Variants in NALCN observed in about 807,000 individuals in gnomAD.
NALCN encodes the protein sodium leak channel NALCN.
NALCN carries 111 observed loss-of-function variants against 225.3 expected under a neutral mutation model. That is an observed-to-expected ratio of 0.49 (90% CI 0.42 to 0.58). The LOEUF is 0.58. Among genes scored for constraint, NALCN ranks in the 20% least tolerant of loss-of-function variants. The probability of loss-of-function intolerance (pLI) is 0.00; values close to 1 mark genes in which losing one functional copy is unlikely to be tolerated. For synonymous variants in NALCN, 764 were observed against 769.0 expected (o/e 0.99, Z 0.11); for missense variants, 1,378 against 2,202.4 (o/e 0.63, Z 7.49).
chr13:101,355,666 C>G (rs947409761), intron 6 of NALCN, among the ~76,000 whole-genome samples: 1 of 152,140 alleles, frequency 6.6e-6, no homozygotes, highest in Non-Finnish European at 1.5e-5. Flanking sequence ...CAAGGATATT[C>G]AGGACTTGAA....
intron 1 of NALCN, among the ~76,000 whole-genome samples, chr13:101,406,410 G>C (rs542476633): frequency 2.6e-5 from 4 of 152,200 alleles, no homozygotes; most frequent in Non-Finnish European, 5.9e-5. Flanking sequence ...CTTAGGCACA[G>C]AGACAAGACG....
chr13:101,258,633 AT>A, intron 10 of NALCN, 59 bp from the exon 11 acceptor site: 4 of 1,606,502 alleles, frequency 2.5e-6, no homozygotes, highest in Non-Finnish European at 3.4e-6. Context: ...ATTAAGTGTA[AT>A]TGACTTAGTC....
intron 7 of NALCN, among the ~76,000 whole-genome samples, chr13:101,305,572 G>C (rs781433909): frequency 9.9e-5 from 15 of 152,128 alleles, no homozygotes; most frequent in Non-Finnish European, 1.8e-4. Flanking sequence ...ACAATCAAAA[G>C]GCTAATATTC....
rs1566601607 is a variant in NALCN at position 101,347,167 on chromosome 13, C to CA, written c.645-1748_645-1747insT. 2.4e-5 allele frequency among the ~76,000 whole-genome samples: 3 copies of CA among 124,240 alleles called. No homozygotes were observed. The Admixed American group carries it at 2.5e-4, about 10-fold the overall frequency. The allele number at this position is 124,240 out of a possible 152,430, so 81.5% of individuals were successfully genotyped here. On this transcript the variant is annotated intron_variant, in intron 6 of 43. Coordinates refer to ENST00000251127, the MANE Select transcript of NALCN (RefSeq NM_052867.4). ...CACACACACACACACACACACACAC[C>CA]CCATGGCTGGTGATACTTTGCCCAC...
chr13:101,404,289 GC>G (rs2047557819), intron 1 of NALCN, among the ~76,000 whole-genome samples: 1 of 152,146 alleles, frequency 6.6e-6, no homozygotes, highest in South Asian at 2.1e-4. Context: ...TGAGATTCAT[GC>G]AAAAATCCAG....
intron 7 of NALCN, among the ~76,000 whole-genome samples, chr13:101,302,974 T>A (rs1003012542): frequency 6.6e-6 from 1 of 152,200 alleles, no homozygotes; most frequent in Non-Finnish European, 1.5e-5. Context: ...TAAGTTATGC[T>A]GCCAAGAAAG....
At chr13:101,364,361 T>C (rs1296445962) in intron 6 of NALCN, among the ~76,000 whole-genome samples, 1 of 152,116 alleles carries the variant, frequency 6.6e-6, no homozygotes, top group Non-Finnish European at 1.5e-5. Context: ...AAATGTGATA[T>C]GTATATATAC....
chr13:101,232,238 A>T (rs1181249238), intron 12 of NALCN, among the ~76,000 whole-genome samples: 1 of 152,150 alleles, frequency 6.6e-6, no homozygotes, highest in African/African-American at 2.4e-5. Flanking sequence ...AACAGGAAGT[A>T]TCAGTGGTCA....
intron 17 of NALCN, among the ~76,000 whole-genome samples, chr13:101,135,070 C>A (rs1276408570): frequency 1.3e-5 from 2 of 152,100 alleles, no homozygotes; most frequent in Non-Finnish European, 2.9e-5. Flanking sequence ...TTGCGGGCGC[C>A]TGTAGTCCCA....
chr13:101,416,264 C>G (rs1272907595), intron 1 of NALCN, 49 bp downstream of exon 1: 1 of 152,162 alleles, frequency 6.6e-6, no homozygotes, highest in Non-Finnish European at 1.5e-5. Context: ...GCGCAGGGCA[C>G]GGAGCCGGCC....
chr13:101,067,148 G>A (rs1200595421), intron 39 of NALCN, among the ~76,000 whole-genome samples: 5 of 151,022 alleles, frequency 3.3e-5, no homozygotes, highest in Admixed American at 3.3e-4. Context: ...ATGAGGAAGA[G>A]AGAAGAGGAG....
chr13:101,135,098 G>A (rs1151389), intron 17 of NALCN, among the ~76,000 whole-genome samples: 59,468 of 151,882 alleles, frequency 0.39, 11,972 homozygotes, highest in East Asian at 0.53. Context: ...AGGAGGCTGA[G>A]GCAGGAGAAT....
chr13:101,298,304 T>C (rs1320255041), intron 7 of NALCN, among the ~76,000 whole-genome samples: 2 of 149,888 alleles, frequency 1.3e-5, no homozygotes, highest in Non-Finnish European at 3.0e-5. Context: ...TTTACATATA[T>C]ACAACTTGCC....
At chr13:101,127,211 C>T (rs77309744) in intron 17 of NALCN, among the ~76,000 whole-genome samples, 2,851 of 152,294 alleles carry the variant, frequency 0.019, 100 homozygotes, top group African/African-American at 0.066. Flanking sequence ...ACTGAATGGC[C>T]TTTGTCCTGA....
chr13:101,252,857 C>G (rs1285888563), intron 11 of NALCN, among the ~76,000 whole-genome samples: 1 of 151,730 alleles, frequency 6.6e-6, no homozygotes, highest in Non-Finnish European at 1.5e-5. Flanking sequence ...TGTATCTCTC[C>G]CATCTGTTTG....
At chr13:101,318,324 G>C (rs927146390) in intron 7 of NALCN, among the ~76,000 whole-genome samples, 1 of 152,128 alleles carries the variant, frequency 6.6e-6, no homozygotes, top group Non-Finnish European at 1.5e-5. Context: ...AGACACGCTG[G>C]CTGCGGTGGG....
At chr13:101,411,259 A>G (rs950574919) in intron 1 of NALCN, among the ~76,000 whole-genome samples, 10 of 150,534 alleles carry the variant, frequency 6.6e-5, no homozygotes, top group Admixed American at 6.6e-4. Context: ...GACTCCCAAT[A>G]CCATTTTAGG....
chr13:101,231,346 T>C (rs1306576487), intron 12 of NALCN, among the ~76,000 whole-genome samples: 1 of 152,202 alleles, frequency 6.6e-6, no homozygotes, highest in East Asian at 1.9e-4. Context: ...AAACTTTGTG[T>C]TGGACAAATA....
intron 13 of NALCN, among the ~76,000 whole-genome samples, chr13:101,211,170 A>G (rs1566436410): frequency 6.6e-6 from 1 of 152,302 alleles, no homozygotes; most frequent in East Asian, 1.9e-4. Flanking sequence ...ACTTTTCATT[A>G]ATGACTTTCA....
Sources: gnomAD v4.1 joint callset for allele counts (sites outside exome capture counted in the v4.1 genomes callset) on GRCh38, gnomAD v4.1.1 for gene constraint, MANE v1.5 for transcripts, NCBI Gene and HGNC (gene_info 2026-07-23, HGNC 2026-07-21) for gene names.